Variants in ZSWIM6 observed in about 807,000 individuals in gnomAD.
ZSWIM6 encodes zinc finger SWIM domain-containing protein 6.
Under a neutral mutation model 113.2 loss-of-function variants are expected in ZSWIM6, and 9 were observed. The observed-to-expected ratio is 0.08, with a 90% CI of 0.05 to 0.14. ZSWIM6 has a LOEUF of 0.14. ZSWIM6 is among the 10% of genes least tolerant of loss of function. The pLI is 1.00. For missense variants in ZSWIM6, 1,162 were observed against 1,552.2 expected (o/e 0.75, Z 4.22); for synonymous variants, 611 against 606.5 (o/e 1.01, Z -0.11).
chr5:61,428,811 T>C (rs1408348121), intron 1 of ZSWIM6, among the ~76,000 whole-genome samples: 1 of 152,240 alleles, frequency 6.6e-6, no homozygotes, highest in Non-Finnish European at 1.5e-5. Flanking sequence ...GTTGTTTTTA[T>C]TATTTTTTTC....
At chr5:61,495,907 T>C (rs1438466516) in intron 4 of ZSWIM6, among the ~76,000 whole-genome samples, 1 of 152,082 alleles carries the variant, frequency 6.6e-6, no homozygotes, top group African/African-American at 2.4e-5. Context: ...TTTAAAGAGC[T>C]TTGGTACTTA....
chr5:61,476,440 C>T (rs2112190693), intron 2 of ZSWIM6, among the ~76,000 whole-genome samples: 1 of 152,250 alleles, frequency 6.6e-6, no homozygotes, highest in East Asian at 1.9e-4. Flanking sequence ...CAGTCCTTGT[C>T]AGTGGACCTT....
At position 61,538,972 on chromosome 5, in the gene ZSWIM6, G is replaced by T; in HGVS notation, c.2539+1G>T. ...TCCACCATGCTAACTGCAGCCAAAG[G>T]TACTGTACTGTCCTGAGGCCTCATA... On this transcript the variant is annotated splice_donor_variant, in intron 11 of 13. Transcript: ENST00000252744. LOFTEE classifies it high-confidence loss of function. 6.5e-7 allele frequency: 1 copy of T among 1,550,240 alleles called. No individual in the cohort carries two copies. The highest frequency in any genetic ancestry group is 8.7e-7 in the Non-Finnish European group (1 of 1,146,356).
At chr5:61,465,552 C>G (rs1747416950) in intron 1 of ZSWIM6, among the ~76,000 whole-genome samples, 1 of 151,868 alleles carries the variant, frequency 6.6e-6, no homozygotes, top group Admixed American at 6.6e-5. Flanking sequence ...TCTAATGCCA[C>G]TCATATCTAA....
chr5:61,436,516 C>T (rs62368665), intron 1 of ZSWIM6, among the ~76,000 whole-genome samples: 138 of 152,172 alleles, frequency 9.1e-4, no homozygotes, highest in Non-Finnish European at 1.7e-3. Flanking sequence ...AAGCCCTATT[C>T]ACTACCAGCT....
At chr5:61,402,913 A>T (rs145786780) in intron 1 of ZSWIM6, among the ~76,000 whole-genome samples, 64 of 152,362 alleles carry the variant, frequency 4.2e-4, no homozygotes, top group African/African-American at 1.3e-3. Context: ...ATTGTGTAGC[A>T]TTCACTAATT....
chr5:61,538,002 G>A (rs569872542), intron 10 of ZSWIM6, among the ~76,000 whole-genome samples: 1 of 152,160 alleles, frequency 6.6e-6, no homozygotes, highest in African/African-American at 2.4e-5. Context: ...GCGGTGTGGT[G>A]TAATCATGGC....
chr5:61,389,440 G>A (rs1579969881), intron 1 of ZSWIM6, among the ~76,000 whole-genome samples: 1 of 150,594 alleles, frequency 6.6e-6, no homozygotes, highest in Non-Finnish European at 1.5e-5. Flanking sequence ...CTGTAATCCT[G>A]GCTACTCGGG....
chr5:61,441,880 A>G (rs1746842333), intron 1 of ZSWIM6, among the ~76,000 whole-genome samples: 1 of 152,210 alleles, frequency 6.6e-6, no homozygotes, highest in Admixed American at 6.5e-5. Context: ...CTGTCCACAC[A>G]GAAAGCCTAT....
At chr5:61,355,574 A>G (rs939712276) in intron 1 of ZSWIM6, among the ~76,000 whole-genome samples, 2 of 152,046 alleles carry the variant, frequency 1.3e-5, no homozygotes, top group African/African-American at 4.8e-5. Context: ...AAAGCTTTAA[A>G]CTTTTAAAAA....
At chr5:61,422,883 T>A (rs1010387763) in intron 1 of ZSWIM6, among the ~76,000 whole-genome samples, 1 of 152,334 alleles carries the variant, frequency 6.6e-6, no homozygotes, top group Non-Finnish European at 1.5e-5. Context: ...AAAATGCTAC[T>A]GATTTTTGTA....
At chr5:61,528,047 C>T (rs1363418415) in intron 7 of ZSWIM6, among the ~76,000 whole-genome samples, 2 of 151,962 alleles carry the variant, frequency 1.3e-5, no homozygotes, top group Non-Finnish European at 2.9e-5. Flanking sequence ...TATTTCCAAC[C>T]ATTCTTAGGT....
chr5:61,337,285 C>CA (rs78369484), intron 1 of ZSWIM6, among the ~76,000 whole-genome samples: 21,346 of 150,316 alleles, frequency 0.14, 1,614 homozygotes, highest in Non-Finnish European at 0.17. Flanking sequence ...TCTCCCCCCC[C>CA]AAAAAAAACA....
intron 1 of ZSWIM6, among the ~76,000 whole-genome samples, chr5:61,363,863 TC>T (rs751550276): frequency 2.9e-4 from 32 of 110,732 alleles, no homozygotes; most frequent in Non-Finnish European, 5.8e-4. Flanking sequence ...TTTCCTTCCT[TC>T]CTTCCTTCCC....
At chr5:61,504,650 A>G (rs1561267817) in intron 4 of ZSWIM6, among the ~76,000 whole-genome samples, 1 of 152,186 alleles carries the variant, frequency 6.6e-6, no homozygotes, top group African/African-American at 2.4e-5. Context: ...TGTCTACCGG[A>G]CCATCAGCAC....
chr5:61,542,050 C>G, intron 13 of ZSWIM6, 85 bp downstream of exon 13: 1 of 1,254,292 alleles, frequency 8.0e-7, no homozygotes, highest in Non-Finnish European at 1.1e-6. Context: ...AACATATTCA[C>G]TCTTTTATGT....
At chr5:61,437,228 A>G (rs1442917187) in intron 1 of ZSWIM6, among the ~76,000 whole-genome samples, 2 of 152,234 alleles carry the variant, frequency 1.3e-5, no homozygotes, top group Non-Finnish European at 2.9e-5. Context: ...TTTTCTGGGA[A>G]TAGTGGAACC....
Position 61,441,467 on chromosome 5 carries a change from C to G in ZSWIM6, c.677-31214C>G, listed in dbSNP as rs535027074. On this transcript the variant is annotated intron_variant, in intron 1 of 13. Transcript: ENST00000252744. ...AGGGTGGTGGTTTTCAATCCTCCCC[C>G]TATATATTAAGCACAATTGCAAAAA... 2.3e-4 allele frequency among the ~76,000 whole-genome samples: 35 copies of G among 152,172 alleles called. No homozygotes were observed. The East Asian group carries it at 6.0e-3, about 26-fold the overall frequency.
chr5:61,529,977 G>A, intron 7 of ZSWIM6, 75 bp from the exon 8 acceptor site: 2 of 1,314,136 alleles, frequency 1.5e-6, no homozygotes, highest in Middle Eastern at 2.0e-4. Flanking sequence ...AAATGGTAAA[G>A]CCTCTGTTTT....
Sources: allele counts gnomAD v4.1 joint callset (sites outside exome capture counted in the v4.1 genomes callset), GRCh38; gene constraint gnomAD v4.1.1; transcripts MANE v1.5; gene names NCBI Gene and HGNC (gene_info 2026-07-23, HGNC 2026-07-21).